ZNF83: variants seen among roughly 807,000 people sequenced by gnomAD.
The protein encoded by ZNF83 is zinc finger protein 83.
For missense variants in ZNF83, 552 were observed against 629.9 expected, an observed-to-expected ratio of 0.88 and a Z score of 1.32; for synonymous variants, 209 against 213.0, an observed-to-expected ratio of 0.98 and a Z score of 0.17.
At chr19:52,649,712 C>T (rs1215839074) in intron 3 of ZNF83, among the ~76,000 whole-genome samples, 3 of 152,012 alleles carry the variant, frequency 2.0e-5, no homozygotes, top group Non-Finnish European at 4.4e-5. Flanking sequence ...TCCAGAAGAC[C>T]CTAGCAGGCA....
chr19:52,668,343 G>C (rs2041255384), intron 1 of ZNF83, among the ~76,000 whole-genome samples: 1 of 152,116 alleles, frequency 6.6e-6, no homozygotes, highest in African/African-American at 2.4e-5. Flanking sequence ...CACTGTTCCT[G>C]GATCAAGCCC....
At chr19:52,652,242 C>T (rs953516146) in intron 3 of ZNF83, 15 of 225,872 alleles carry the variant, frequency 6.6e-5, no homozygotes, top group Non-Finnish European at 7.0e-5. Context: ...TTGAGAGCAA[C>T]CAGGCCAACA....
intron 3 of ZNF83, among the ~76,000 whole-genome samples, chr19:52,643,920 G>A (rs2061339891): frequency 6.6e-6 from 1 of 152,192 alleles, no homozygotes; most frequent in African/African-American, 2.4e-5. Context: ...AAGCAACTGT[G>A]ACTGGGGCAG....
At chr19:52,666,068 G>A (rs148262681) in intron 1 of ZNF83, among the ~76,000 whole-genome samples, 3,371 of 151,718 alleles carry the variant, frequency 0.022, 61 homozygotes, top group Non-Finnish European at 0.037. Context: ...GAAGGGTGAG[G>A]TGGGAGAATG....
At chr19:52,641,550 A>C (rs329954), upstream of ZNF83, among the ~76,000 whole-genome samples, 122,503 of 151,866 alleles carry the variant, frequency 0.81, 50,093 homozygotes, top group African/African-American at 0.95. Context: ...GAACTGATTT[A>C]GTGCTTTCCA....
intron 3 of ZNF83, among the ~76,000 whole-genome samples, chr19:52,648,158 T>C (rs1443537077): frequency 6.6e-6 from 1 of 151,900 alleles, no homozygotes; most frequent in Non-Finnish European, 1.5e-5. Flanking sequence ...CTTATCTTTT[T>C]TTTTTTTCAC....
chr19:52,661,075 GGA>G (rs1429067473), intron 1 of ZNF83, among the ~76,000 whole-genome samples: 1 of 151,916 alleles, frequency 6.6e-6, no homozygotes, highest in East Asian at 1.9e-4. Context: ...ATGTTGGCCA[GGA>G]GAGTCTCAAT....
intron 1 of ZNF83, among the ~76,000 whole-genome samples, chr19:52,684,076 A>G (rs183617167): frequency 7.2e-5 from 11 of 152,252 alleles, no homozygotes; most frequent in South Asian, 2.1e-4. Context: ...TCTACTAAAA[A>G]TACAAAAATT....
exon 3 of ZNF83, chr19:52,613,799 T>C: frequency 6.2e-7 from 1 of 1,613,772 alleles, no homozygotes; most frequent in Non-Finnish European, 8.5e-7. Flanking sequence ...TTCTCTCCAG[T>C]ATGAATGATC....
chr19:52,677,329 A>C (rs28695294), intron 1 of ZNF83, among the ~76,000 whole-genome samples: 1 of 129,114 alleles, frequency 7.7e-6, no homozygotes, highest in African/African-American at 3.0e-5. Context: ...AAAAAAAAAA[A>C]ACAAAAATTA....
chr19:52,634,319 A>G (rs546084445), intron 2 of ZNF83, among the ~76,000 whole-genome samples: 1 of 152,262 alleles, frequency 6.6e-6, no homozygotes, highest in South Asian at 2.1e-4. Flanking sequence ...GAATGAGAAT[A>G]TGGCTCCATC....
At chr19:52,614,156 C>A (rs748954011) in exon 3 of ZNF83, 6 of 1,613,920 alleles carry the variant, frequency 3.7e-6, no homozygotes. Context: ...TGATGACTTG[C>A]AAGGTTTGAT....
chr19:52,645,804 C>T (rs11666880), intron 3 of ZNF83, among the ~76,000 whole-genome samples: 1 of 130,790 alleles, frequency 7.6e-6, no homozygotes, highest in Non-Finnish European at 1.7e-5. Context: ...GAGATTCTGC[C>T]CCCCCCCAAA....
At chr19:52,645,176 A>G (rs1200893567) in intron 3 of ZNF83, among the ~76,000 whole-genome samples, 1 of 152,192 alleles carries the variant, frequency 6.6e-6, no homozygotes, top group African/African-American at 2.4e-5. Context: ...AAGAAAACTG[A>G]AAAATAGACT....
chr19:52,653,122 G>C lies in ZNF83; in HGVS notation c.-74+2439C>G. Reference sequence around the variant, plus strand: ...TAGAAGGGATGAATTTCGAGCAAAGGTCTTGCCACACTCATGACAGTTGTA... The same window carrying C: ...TAGAAGGGATGAATTTCGAGCAAAGCTCTTGCCACACTCATGACAGTTGTA... On this transcript the variant is annotated intron_variant, in intron 3 of 5. Coordinates refer to the ZNF83 transcript ENST00000594682. The C allele has an allele frequency of 3.4e-6, 5 of 1,461,272 alleles. No individual in the cohort carries two copies. In the South Asian group the frequency reaches 4.5e-5, roughly 13 times the overall value. The allele number at this position is 1,461,272 out of a possible 1,614,324, so 90.5% of individuals were successfully genotyped here.
At position 52,687,944 on chromosome 19, in the gene ZNF83, A is replaced by G. The variant is rs184144700; in HGVS notation, c.-283+2499T>C. 2.1e-3 allele frequency among the ~76,000 whole-genome samples: 314 copies of G among 152,088 alleles called. 1 individual carries two copies. Among genetic ancestry groups the G allele is most frequent in the African/African-American group, 7.2e-3 (299 of 41,514 alleles). ...AAGGGAAGAGAGTAACTTCCAACTC[A>G]ATAAGTCACTGCTCTCTGGCTGAAT... On this transcript the variant is annotated intron_variant, in intron 1 of 5. Transcript: ENST00000594682.
intron 2 of ZNF83, among the ~76,000 whole-genome samples, chr19:52,622,401 CT>C (rs2060582561): frequency 6.6e-6 from 1 of 152,140 alleles, no homozygotes; most frequent in African/African-American, 2.4e-5. Flanking sequence ...ACCTTCTACC[CT>C]TTCCCCAGAT....
intron 1 of ZNF83, among the ~76,000 whole-genome samples, chr19:52,676,987 T>C (rs1239256112): frequency 6.9e-6 from 1 of 145,166 alleles, no homozygotes; most frequent in Non-Finnish European, 1.5e-5. Context: ...ACACAAACAC[T>C]GCGGAAGGCC....
chr19:52,680,712 A>C lies in ZNF83; in HGVS notation c.-283+9731T>G, dbSNP rs545919749. ...ACTGCAAGCTCCGCCTCCCGGGTTC[A>C]CGCCATTCTCCTGCCTCAGCCTCCC... On this transcript the variant is annotated intron_variant, in intron 1 of 5. Coordinates refer to the ZNF83 transcript ENST00000594682. Among the ~76,000 whole-genome samples the C allele has an allele frequency of 6.2e-3, 831 of 133,946 alleles. 6 individuals carry two copies. The highest frequency in any genetic ancestry group is 8.7e-3 in the Non-Finnish European group (576 of 66,058). The allele number at this position is 133,946 out of a possible 152,430, so 87.9% of individuals were successfully genotyped here.
Sources: gnomAD v4.1 joint callset for allele counts (sites outside exome capture counted in the v4.1 genomes callset) on GRCh38, gnomAD v4.1.1 for gene constraint, MANE v1.5 for transcripts, NCBI Gene and HGNC (gene_info 2026-07-23, HGNC 2026-07-21) for gene names.